The following DNAH6 variants were observed in gnomAD, a reference collection of about 807,000 sequenced individuals.
The protein encoded by DNAH6 is axonemal beta dynein heavy chain 6.
Under a neutral mutation model 491.4 loss-of-function variants are expected in DNAH6, and 340 were observed. The observed-to-expected ratio is 0.69, with a 90% CI of 0.63 to 0.76. DNAH6 has a LOEUF of 0.76. Ranked by LOEUF, DNAH6 falls within the 30% of genes least tolerant of loss-of-function variation. The pLI, the probability that DNAH6 is intolerant of heterozygous loss-of-function variation, is 0.00. For missense variants in DNAH6, 4,443 were observed against 4,972.2 expected (o/e 0.89, Z 3.20); for synonymous variants, 1,603 against 1,686.1 (o/e 0.95, Z 1.21).
In DNAH6 at chr2:84,611,555, G is replaced by A. The variant is rs1158505738; in HGVS notation, c.3295-119G>A. The A allele has an allele frequency of 1.1e-5, 9 of 845,088 alleles. No individual in the cohort carries two copies. The Admixed American group carries it at 1.8e-4, about 17-fold the overall frequency. 52.3% of individuals were successfully genotyped at this position (845,088 alleles called of 1,614,324 possible). A position where few individuals can be genotyped will look rare whatever the true frequency, so the allele number is the denominator to read the frequency against. On this transcript the variant is annotated intron_variant, in intron 21 of 76. Transcript: ENST00000389394. Reference sequence around the variant, plus strand: ...TTTAATTTCAAAGGACCTGTGAGGAGTCATAACACCACCCTCAAGGAAAAA... The same window carrying A: ...TTTAATTTCAAAGGACCTGTGAGGAATCATAACACCACCCTCAAGGAAAAA...
intron 62 of DNAH6, among the ~76,000 whole-genome samples, chr2:84,735,599 A>G (rs1220472164): frequency 1.3e-5 from 2 of 152,118 alleles, no homozygotes; most frequent in African/African-American, 4.8e-5. Context: ...TTGGTGTAAG[A>G]TGGTATCTCA....
intron 45 of DNAH6, 22 bp from the exon 46 acceptor site, chr2:84,694,227 C>A: frequency 6.5e-7 from 1 of 1,545,490 alleles, no homozygotes; most frequent in Non-Finnish European, 8.8e-7. Flanking sequence ...TTGAAATAAA[C>A]CCTCTGCTCT....
In DNAH6 at chr2:84,716,140, C is replaced by CAT. The variant is rs1166284910; in HGVS notation, c.9611+521_9611+522dup. 3.4e-5 allele frequency among the ~76,000 whole-genome samples: 5 copies of CAT among 148,728 alleles called. No individual in the cohort carries two copies. The East Asian group carries it at 9.8e-4, about 29-fold the overall frequency. The stretch of plus-strand genomic sequence containing the variant: ...ATATACACATATATACATATATACC[C>CAT]ATATATATACATATATATGGGTATA... On this transcript the variant is annotated intron_variant, in intron 58 of 76. Transcript: ENST00000389394.
At position 84,641,449 on chromosome 2, in the gene DNAH6, G is replaced by A. The variant is rs139738540; in HGVS notation, c.4971-498G>A. 8.5e-5 allele frequency among the ~76,000 whole-genome samples: 13 copies of A among 152,262 alleles called. No homozygotes were observed. The East Asian group carries it at 1.9e-3, about 23-fold the overall frequency. On this transcript the variant is annotated intron_variant, in intron 32 of 76. Coordinates refer to ENST00000389394, the MANE Select transcript of DNAH6 (RefSeq NM_001370.2). ...GAGCACAACTACAGTCCAGTGGGTCGTAGAGACAGACCAATGTGTAGTCAT... is the reference window on the plus strand; with the variant it reads ...GAGCACAACTACAGTCCAGTGGGTCATAGAGACAGACCAATGTGTAGTCAT...
At chr2:84,701,957 A>G (rs1695947316) in intron 49 of DNAH6, among the ~76,000 whole-genome samples, 1 of 152,246 alleles carries the variant, frequency 6.6e-6, no homozygotes, top group South Asian at 2.1e-4. Flanking sequence ...CAATAATTAT[A>G]TATATTTTCC....
chr2:84,597,177 C>T (rs577984017), intron 18 of DNAH6, among the ~76,000 whole-genome samples: 20 of 152,284 alleles, frequency 1.3e-4, no homozygotes, highest in Admixed American at 2.6e-4. Context: ...TGAAATAATA[C>T]AACATGCAGC....
At chr2:84,526,201 T>G (rs1170453601) in intron 3 of DNAH6, among the ~76,000 whole-genome samples, 1 of 151,972 alleles carries the variant, frequency 6.6e-6, no homozygotes, top group African/African-American at 2.4e-5. Context: ...GAGCTTGCCT[T>G]TAAATGAATA....
intron 63 of DNAH6, among the ~76,000 whole-genome samples, chr2:84,748,503 A>G (rs925053921): frequency 6.6e-6 from 1 of 152,246 alleles, no homozygotes; most frequent in African/African-American, 2.4e-5. Context: ...TTGCTAAGGC[A>G]TAACAAGGGT....
Position 84,670,344 on chromosome 2 carries a change from G to A in DNAH6, c.6323G>A (p.Gly2108Glu). ...TAATTTAAGTCTGTGATTGCAAAAG[G>A]ATTGCTAAATAAAATTCAAGAATCA... ...TGVGKSVIAK[G>E]LLNKIQESAG... The change falls in exon 39 of 77, where the codon GGA becomes GAA. Residue 2108 changes from glycine to glutamate, a missense_variant. Around this residue, in one of 3 missense-constraint regions of DNAH6, gnomAD observed 2,977 missense variants for 3,296.6 expected, o/e 0.90. Transcript: ENST00000389394. The A allele has an allele frequency of 6.5e-7, 1 of 1,531,170 alleles. No individual in the cohort carries two copies. Among genetic ancestry groups the A allele is most frequent in the Non-Finnish European group, 8.8e-7 (1 of 1,135,778 alleles). 94.8% of individuals were successfully genotyped at this position (1,531,170 alleles called of 1,614,324 possible). A position where few individuals can be genotyped will look rare whatever the true frequency, so the allele number is the denominator to read the frequency against.
chr2:84,652,268 C>T (rs761758891), intron 33 of DNAH6, among the ~76,000 whole-genome samples: 22 of 151,794 alleles, frequency 1.4e-4, no homozygotes, highest in Non-Finnish European at 8.8e-5. Flanking sequence ...TTTACGAAGG[C>T]GCCTATTTCC....
intron 26 of DNAH6, among the ~76,000 whole-genome samples, chr2:84,623,480 A>G (rs1413589221): frequency 6.6e-6 from 1 of 152,196 alleles, no homozygotes; most frequent in Non-Finnish European, 1.5e-5. Flanking sequence ...TTGAAATACA[A>G]CAACTTTATA....
Position 84,573,629 on chromosome 2 carries a change from T to A in DNAH6, c.1924+42T>A, listed in dbSNP as rs748184121. 2.3e-5 allele frequency: 34 copies of A among 1,486,578 alleles called. No homozygotes were observed. In the Admixed American group the frequency reaches 5.3e-4, roughly 23 times the overall value. 92.1% of individuals were successfully genotyped at this position (1,486,578 alleles called of 1,614,324 possible). ...TACTTACTAATTATTTTTATAGGGA[T>A]ACTGAGATTTGTTGTTTTTTAGGAT... On this transcript the variant is annotated intron_variant, in intron 12 of 76. Transcript: ENST00000389394.
chr2:84,767,629 A>G (rs1408718260), intron 64 of DNAH6, among the ~76,000 whole-genome samples: 1 of 152,128 alleles, frequency 6.6e-6, no homozygotes, highest in African/African-American at 2.4e-5. Flanking sequence ...AATTGAAAGT[A>G]TGAAGAGACA....
At chr2:84,576,766 C>T (rs1451615648) in intron 12 of DNAH6, among the ~76,000 whole-genome samples, 1 of 152,072 alleles carries the variant, frequency 6.6e-6, no homozygotes, top group African/African-American at 2.4e-5. Context: ...AGGCCTTGAC[C>T]ATGATGTAGG....
intron 53 of DNAH6, among the ~76,000 whole-genome samples, chr2:84,707,269 G>A (rs183783415): frequency 2.6e-5 from 4 of 152,168 alleles, no homozygotes. Flanking sequence ...AATACTACAA[G>A]GATACAGAAA....
At chr2:84,532,098 A>C (rs909278598) in intron 4 of DNAH6, among the ~76,000 whole-genome samples, 35 of 152,150 alleles carry the variant, frequency 2.3e-4, no homozygotes, top group African/African-American at 8.4e-4. Flanking sequence ...GAAGAGCCAG[A>C]TTTTGCCCCA....
At chr2:84,624,179 C>A in intron 26 of DNAH6, 86 bp from the exon 27 acceptor site, 2 of 1,241,126 alleles carry the variant, frequency 1.6e-6, no homozygotes, top group Non-Finnish European at 2.2e-6. Flanking sequence ...TTAGCAATGT[C>A]TCTCCAAATT....
intron 37 of DNAH6, among the ~76,000 whole-genome samples, chr2:84,664,666 A>G (rs1691895205): frequency 6.6e-6 from 1 of 152,194 alleles, no homozygotes; most frequent in African/African-American, 2.4e-5. Context: ...TTAACACCCC[A>G]CTGTCAACAT....
chr2:84,737,795 A>T (rs1038373994), intron 62 of DNAH6, among the ~76,000 whole-genome samples: 1 of 151,740 alleles, frequency 6.6e-6, no homozygotes, highest in African/African-American at 2.4e-5. Context: ...TGTTTCATTG[A>T]TCCTTTGTAT....
Sources: gnomAD v4.1 joint callset for allele counts (sites outside exome capture counted in the v4.1 genomes callset) on GRCh38, gnomAD v4.1.1 for gene constraint, gnomAD v4.1.1 regional missense constraint, MANE v1.5 for transcripts, NCBI Gene and HGNC (gene_info 2026-07-23, HGNC 2026-07-21) for gene names.